The following COL4A3 variants were observed in gnomAD, a reference collection of about 807,000 sequenced individuals.
COL4A3 encodes collagen alpha-3(IV) chain.
COL4A3 carries 135 observed loss-of-function variants against 217.4 expected under a neutral mutation model. The observed-to-expected ratio is 0.62, with a 90% CI of 0.54 to 0.72. The LOEUF (loss-of-function observed/expected upper bound fraction) is 0.72. Among genes scored for constraint, COL4A3 ranks in the 30% least tolerant of loss-of-function variants. The pLI, the probability that COL4A3 is intolerant of heterozygous loss-of-function variation, is 0.00. For missense variants in COL4A3, 1,868 were observed against 2,119.9 expected, an observed-to-expected ratio of 0.88 and a Z score of 2.33; for synonymous variants, 690 against 736.3, an observed-to-expected ratio of 0.94 and a Z score of 1.02.
chr2:227,254,867 A>G, intron 15 of COL4A3, 152 bp downstream of exon 15: 1 of 692,334 alleles, frequency 1.4e-6, no homozygotes, highest in Non-Finnish European at 2.6e-6. Flanking sequence ...TTACTCAAGT[A>G]TCTAAGACGT....
intron 26 of COL4A3, among the ~76,000 whole-genome samples, chr2:227,273,613 G>C (rs2071373612): frequency 6.6e-6 from 1 of 152,166 alleles, no homozygotes; most frequent in Middle Eastern, 3.4e-3. Context: ...GGATGTTGCT[G>C]TGTTGTCCAG....
chr2:227,181,372 A>G (rs1559799954), intron 1 of COL4A3, among the ~76,000 whole-genome samples: 1 of 152,180 alleles, frequency 6.6e-6, no homozygotes, highest in African/African-American at 2.4e-5. Flanking sequence ...TCTTTTACAG[A>G]AACTCTTGAA....
rs921253671 is a variant in COL4A3 at position 227,250,977 on chromosome 2, G to A, written c.547-163G>A. 6.6e-6 allele frequency among the ~76,000 whole-genome samples: 1 copy of A among 152,228 alleles called. No individual in the cohort carries two copies. The highest frequency in any genetic ancestry group is 1.5e-5 in the Non-Finnish European group (1 of 68,038). On this transcript the variant is annotated intron_variant, in intron 9 of 51. Coordinates refer to ENST00000396578, the MANE Select transcript of COL4A3 (RefSeq NM_000091.5). This position sits in a 1 kb window ranked among gnomAD's most constrained non-coding sequence, Gnocchi z 4.1. ...TGGTCCTGCCAGCCTGTTACACATG[G>A]CAACACTTTTTGATGTTTGTTATCA...
chr2:227,195,707 G>GTGTGTGTGTGTA, intron 1 of COL4A3, among the ~76,000 whole-genome samples: 1 of 151,256 alleles, frequency 6.6e-6, no homozygotes, highest in South Asian at 2.1e-4. Flanking sequence ...ATGTGTGTGT[G>GTGTGTGTGTGTA]TATGCTGTAG....
At chr2:227,283,166 G>A (rs1208720872) in intron 32 of COL4A3, among the ~76,000 whole-genome samples, 1 of 152,054 alleles carries the variant, frequency 6.6e-6, no homozygotes, top group Non-Finnish European at 1.5e-5. Context: ...TCATATTTCT[G>A]TATAATTGTT....
chr2:227,242,916 CCTT>C (rs2069112645), intron 3 of COL4A3, among the ~76,000 whole-genome samples: 1 of 152,180 alleles, frequency 6.6e-6, no homozygotes, highest in Non-Finnish European at 1.5e-5. Context: ...GTCCATTTCT[CCTT>C]CTTCCGATCC....
intron 26 of COL4A3, among the ~76,000 whole-genome samples, chr2:227,275,265 A>G (rs950608607): frequency 4.6e-5 from 7 of 151,902 alleles, no homozygotes; most frequent in Non-Finnish European, 1.0e-4. Flanking sequence ...ACTGCAACCT[A>G]TACCTCCTGG....
intron 2 of COL4A3, 68 bp from the exon 3 acceptor site, chr2:227,240,075 T>C: frequency 1.7e-6 from 2 of 1,209,124 alleles, no homozygotes; most frequent in South Asian, 2.6e-5. Context: ...AACATAATGG[T>C]TATTGGTGTG....
rs999409551 is a variant in COL4A3 at position 227,245,112 on chromosome 2, T to A, written c.324+117T>A. On this transcript the variant is annotated intron_variant, in intron 5 of 51. Transcript: ENST00000396578. ...TGATGCATTTGTTACATGAAGAAAA[T>A]AGCACCTTAGGATGGTATATTATAC... 1.3e-5 allele frequency: 12 copies of A among 951,362 alleles called. No homozygotes were observed. In the African/African-American group the frequency reaches 1.8e-4, roughly 14 times the overall value. 58.9% of individuals were successfully genotyped at this position (951,362 alleles called of 1,614,324 possible).
intron 1 of COL4A3, among the ~76,000 whole-genome samples, chr2:227,193,485 G>T (rs540712101): frequency 1.3e-5 from 2 of 152,114 alleles, no homozygotes; most frequent in Non-Finnish European, 2.9e-5. Context: ...AGGCCGAGGT[G>T]GGCGGATCAC....
intron 1 of COL4A3, among the ~76,000 whole-genome samples, chr2:227,203,888 C>T (rs558264341): frequency 2.6e-5 from 4 of 151,884 alleles, no homozygotes; most frequent in Non-Finnish European, 5.9e-5. Flanking sequence ...GCCCATTCCC[C>T]TAAAATATAA....
chr2:227,268,240 G>A (rs12694725), intron 23 of COL4A3: 2 of 152,090 alleles, frequency 1.3e-5, no homozygotes, highest in South Asian at 2.1e-4. Context: ...ACATCAGCCC[G>A]AGAGGCTGGT....
At chr2:227,284,183 A>T in intron 33 of COL4A3, 28 bp from the exon 34 acceptor site, 1 of 1,613,902 alleles carries the variant, frequency 6.2e-7, no homozygotes, top group Non-Finnish European at 8.5e-7. Flanking sequence ...AGAATTAAGG[A>T]CCTGATGTTG....
Position 227,311,924 on chromosome 2 carries a change from A to G in COL4A3, c.*54A>G. 1.9e-6 allele frequency: 3 copies of G among 1,608,742 alleles called. No homozygotes were observed. Among genetic ancestry groups the G allele is most frequent in the Non-Finnish European group, 2.5e-6 (3 of 1,176,892 alleles). ...TTTCATCCTAAAGAACAAAGTAATG[A>G]CAGAACATGCTGTTATTTAGGTATT... On this transcript the variant is annotated 3_prime_UTR_variant, in exon 52 of 52. Transcript: ENST00000396578.
intron 1 of COL4A3, among the ~76,000 whole-genome samples, chr2:227,181,376 T>C (rs1172234524): frequency 2.0e-5 from 3 of 152,192 alleles, no homozygotes; most frequent in African/African-American, 4.8e-5. Context: ...TTACAGAAAC[T>C]CTTGAAATAT....
chr2:227,294,642 G>A, intron 39 of COL4A3, 72 bp downstream of exon 39: 1 of 1,123,716 alleles, frequency 8.9e-7, no homozygotes. Context: ...TTGGATTTCT[G>A]TAAACCTACT....
intron 11 of COL4A3, among the ~76,000 whole-genome samples, chr2:227,252,987 G>C (rs543303000): frequency 6.6e-6 from 1 of 152,238 alleles, no homozygotes; most frequent in East Asian, 1.9e-4. Flanking sequence ...GCCGGCCAGT[G>C]GGATTAAAAC....
intron 1 of COL4A3, among the ~76,000 whole-genome samples, chr2:227,168,151 T>C (rs1327611449): frequency 6.6e-6 from 1 of 152,234 alleles, no homozygotes; most frequent in Admixed American, 6.5e-5. Flanking sequence ...GTCTTTATAT[T>C]TTCATTTTAT....
rs116102610 is a variant in COL4A3 at position 227,281,920 on chromosome 2, G to A, written c.2489-445G>A. On this transcript the variant is annotated intron_variant, in intron 31 of 51. Coordinates refer to ENST00000396578, the MANE Select transcript of COL4A3 (RefSeq NM_000091.5). ...AATACATACACACACACATGCGCAC[G>A]CATGCGTAAGTGTGCAGTTACCCCA... 3.7e-3 allele frequency: 566 copies of A among 152,650 alleles called. 2 individuals carry two copies. The highest frequency in any genetic ancestry group is 6.3e-3 in the Non-Finnish European group (429 of 68,320). 9.5% of individuals were successfully genotyped at this position (152,650 alleles called of 1,614,324 possible).
Sources: gnomAD v4.1 joint callset for allele counts (sites outside exome capture counted in the v4.1 genomes callset) on GRCh38, gnomAD v4.1.1 for gene constraint, Gnocchi (gnomAD v3.1) non-coding constraint, MANE v1.5 for transcripts, NCBI Gene and HGNC (gene_info 2026-07-23, HGNC 2026-07-21) for gene names.